RP1: variants seen among roughly 807,000 people sequenced by gnomAD.
RP1 encodes RP1 axonemal microtubule associated.
A neutral mutation model predicts 14.8 loss-of-function variants in RP1; 16 were observed. The ratio of observed to expected loss-of-function variants is 1.08; its 90% CI spans 0.73 to 1.65. RP1 has a LOEUF of 1.65. RP1 is among the 40% of genes most tolerant of loss of function. RP1 has a pLI of 0.00. For missense variants in RP1, 2,631 were observed against 2,535.0 expected (o/e 1.04, Z -0.81); for synonymous variants, 876 against 883.6 (o/e 0.99, Z 0.15).
intron 1 of RP1, among the ~76,000 whole-genome samples, chr8:54,595,823 T>C (rs756369018): frequency 1.7e-4 from 26 of 152,246 alleles, no homozygotes; most frequent in African/African-American, 5.8e-4. Context: ...TTCCTTTTAT[T>C]ATAAAAGAAA....
At chr8:54,688,734 A>G (rs1353042482) in intron 12 of RP1, among the ~76,000 whole-genome samples, 2 of 152,202 alleles carry the variant, frequency 1.3e-5, no homozygotes, top group African/African-American at 4.8e-5. Context: ...TATAGTTTGA[A>G]GTCAGGTAGC....
intron 23 of RP1, among the ~76,000 whole-genome samples, chr8:54,781,345 T>C (rs1422605727): frequency 6.6e-6 from 1 of 152,206 alleles, no homozygotes; most frequent in Non-Finnish European, 1.5e-5. Flanking sequence ...TCCAAAGGGA[T>C]TAACAGATGA....
chr8:54,834,628 A>G lies in RP1; in HGVS notation c.3616-2822A>G, dbSNP rs548854678. ...CCCAGGATGTGTAGAGGAGAAGAGT[A>G]TCATTTTTCATGTTGTATAATATAA... On this transcript the variant is annotated intron_variant, in intron 24 of 28. Transcript: ENST00000637698. Among the ~76,000 whole-genome samples, 5 of 134,280 alleles carry G rather than the reference A, an allele frequency of 3.7e-5. No homozygotes were observed. The South Asian group carries it at 1.0e-3, about 27-fold the overall frequency. 88.1% of individuals were successfully genotyped at this position (134,280 alleles called of 152,430 possible). A position where few individuals can be genotyped will look rare whatever the true frequency, so the allele number is the denominator to read the frequency against.
At chr8:54,746,168 C>G (rs1809219663) in intron 19 of RP1, among the ~76,000 whole-genome samples, 3 of 151,866 alleles carry the variant, frequency 2.0e-5, no homozygotes, top group Admixed American at 2.0e-4. Flanking sequence ...TTATGGAATG[C>G]TTTTTTTTGG....
Position 54,569,118 on chromosome 8 carries a change from C to T in RP1, c.-13+9798C>T, listed in dbSNP as rs1427075367. Among the ~76,000 whole-genome samples the T allele has an allele frequency of 3.3e-5, 5 of 152,112 alleles. No homozygotes were observed. The South Asian group carries it at 1.0e-3, about 32-fold the overall frequency. On this transcript the variant is annotated intron_variant, in intron 1 of 22. Coordinates refer to the RP1 transcript ENST00000636932. The stretch of plus-strand genomic sequence containing the variant: ...AGAAAAATGCCCAAAGTTACGTTCC[C>T]AGGAGAGCAAGTCCTGGTTGGATGA...
intron 23 of RP1, chr8:54,781,138 A>G (rs1456778892): frequency 1.4e-5 from 8 of 555,284 alleles, no homozygotes; most frequent in African/African-American, 1.0e-4. Context: ...AGACATTGCT[A>G]TAGTATCTCC....
At chr8:54,591,462 A>G (rs549739116) in intron 1 of RP1, among the ~76,000 whole-genome samples, 1 of 152,152 alleles carries the variant, frequency 6.6e-6, no homozygotes, top group East Asian at 1.9e-4. Flanking sequence ...TCTTTAAATT[A>G]GTTTTACCTT....
chr8:54,679,936 A>G (rs763563604), intron 12 of RP1: 14 of 1,535,888 alleles, frequency 9.1e-6, no homozygotes, highest in Non-Finnish European at 1.2e-5. Context: ...CAAATATGGT[A>G]AAACTATCGT....
intron 1 of RP1, among the ~76,000 whole-genome samples, chr8:54,604,324 A>G (rs1805372391): frequency 6.6e-6 from 1 of 152,138 alleles, no homozygotes; most frequent in Non-Finnish European, 1.5e-5. Flanking sequence ...GGTTCTGTTT[A>G]TATGCTGGAT....
intron 3 of RP1, among the ~76,000 whole-genome samples, chr8:54,622,681 ATGAC>A (rs775269528): frequency 6.6e-6 from 1 of 152,214 alleles, no homozygotes; most frequent in Non-Finnish European, 1.5e-5. Flanking sequence ...GGTTAGCAGA[ATGAC>A]TGTATTTTTT....
intron 24 of RP1, among the ~76,000 whole-genome samples, chr8:54,824,973 A>ATTTATTT (rs759970980): frequency 7.7e-4 from 115 of 150,208 alleles, no homozygotes; most frequent in African/African-American, 1.6e-3. Context: ...TTTTTTTTTT[A>ATTTATTT]ATTTATTTAT....
intron 24 of RP1, among the ~76,000 whole-genome samples, chr8:54,784,739 T>C (rs571152212): frequency 6.4e-4 from 97 of 152,210 alleles, no homozygotes; most frequent in African/African-American, 2.3e-3. Flanking sequence ...ATGTTATCTA[T>C]TTCTGCCATA....
intron 6 of RP1, among the ~76,000 whole-genome samples, chr8:54,658,644 T>C (rs889609962): frequency 2.0e-5 from 3 of 152,134 alleles, no homozygotes; most frequent in African/African-American, 7.2e-5. Context: ...GACATTAGGC[T>C]TGCTTCCACC....
intron 19 of RP1, among the ~76,000 whole-genome samples, chr8:54,751,590 A>G (rs1190904052): frequency 1.3e-5 from 2 of 152,200 alleles, no homozygotes; most frequent in Non-Finnish European, 2.9e-5. Context: ...GGTCAAGGCC[A>G]TACATCTGGT....
At chr8:54,709,507 T>C (rs548610940) in intron 15 of RP1, among the ~76,000 whole-genome samples, 31 of 152,248 alleles carry the variant, frequency 2.0e-4, no homozygotes, top group African/African-American at 7.5e-4. Flanking sequence ...CTTAGAGATA[T>C]TTCACAATTT....
In RP1 at chr8:54,625,800, G is replaced by T; in HGVS notation, c.1918G>T (p.Ala640Ser). 6.2e-7 allele frequency: 1 copy of T among 1,613,356 alleles called. No homozygotes were observed. Among genetic ancestry groups the T allele is most frequent in the Non-Finnish European group, 8.5e-7 (1 of 1,179,950 alleles). The stretch of plus-strand genomic sequence containing the variant: ...TTCAGAAGCATCCTCTACTGTCACT[G>T]CAAGAATTGACAGACTAATTAATGA... ...PASEASSTVTARIDRLINEFA... is the reference protein window; with the variant it reads ...PASEASSTVTSRIDRLINEFA... The change falls in exon 4 of 4, where the codon GCA (alanine) becomes TCA (serine). Residue 640 changes from alanine to serine, a missense_variant. By Grantham distance (99) the Ala-to-Ser change is moderately conservative. Coordinates refer to ENST00000220676, the MANE Select transcript of RP1 (RefSeq NM_006269.2).
At chr8:54,659,315 G>A (rs1219264663) in intron 6 of RP1, among the ~76,000 whole-genome samples, 2 of 152,010 alleles carry the variant, frequency 1.3e-5, no homozygotes, top group African/African-American at 4.8e-5. Flanking sequence ...ATATCCTGAA[G>A]GTTTTCTCTT....
At chr8:54,671,961 G>T (rs141135173) in intron 7 of RP1, among the ~76,000 whole-genome samples, 1 of 152,242 alleles carries the variant, frequency 6.6e-6, no homozygotes, top group East Asian at 1.9e-4. Flanking sequence ...TATGAGTCAC[G>T]TGCTTTACTA....
rs1292351285 is a variant in RP1 at position 54,746,000 on chromosome 8, T to A, written c.2808+6971T>A. Among the ~76,000 whole-genome samples the A allele has an allele frequency of 2.6e-5, 4 of 152,306 alleles. No homozygotes were observed. The East Asian group carries it at 7.7e-4, about 29-fold the overall frequency. ...CTATTTCCAAAAAAGAAAATGATTG[T>A]TTTCACAATGACCAAAGGCTGCCTT... On this transcript the variant is annotated intron_variant, in intron 19 of 22. Coordinates refer to the RP1 transcript ENST00000636932.
Sources: gnomAD v4.1 joint callset for allele counts (sites outside exome capture counted in the v4.1 genomes callset) on GRCh38, gnomAD v4.1.1 for gene constraint, MANE v1.5 for transcripts, NCBI Gene and HGNC (gene_info 2026-07-23, HGNC 2026-07-21) for gene names.